The following ASIC2 variants were observed in gnomAD, a reference collection of about 807,000 sequenced individuals.
ASIC2 encodes the protein acid-sensing ion channel 2.
In ASIC2, 25 loss-of-function variants were observed where a neutral mutation model predicts 57.3. The ratio of observed to expected loss-of-function variants is 0.44; its 90% CI spans 0.32 to 0.61. The LOEUF (loss-of-function observed/expected upper bound fraction) is 0.61. Ranked by LOEUF, ASIC2 falls within the 20% of genes least tolerant of loss-of-function variation. The probability of loss-of-function intolerance (pLI) is 0.06; values close to 1 mark genes in which losing one functional copy is unlikely to be tolerated. For missense variants in ASIC2, 641 were observed against 738.1 expected (o/e 0.87, Z 1.52); for synonymous variants, 319 against 307.5 (o/e 1.04, Z -0.39).
intron 1 of ASIC2, among the ~76,000 whole-genome samples, chr17:33,258,545 A>C (rs1281578644): frequency 6.6e-6 from 1 of 152,120 alleles, no homozygotes; most frequent in East Asian, 1.9e-4. Context: ...ACACAGGAGG[A>C]GTATTCCTGG....
At chr17:33,985,462 C>A (rs1049537018) in intron 1 of ASIC2, among the ~76,000 whole-genome samples, 1 of 152,126 alleles carries the variant, frequency 6.6e-6, no homozygotes, top group Admixed American at 6.5e-5. Context: ...CTGATGCAAC[C>A]GGTCTACAGG....
chr17:34,114,763 A>G (rs895402096), intron 1 of ASIC2, among the ~76,000 whole-genome samples: 1 of 152,194 alleles, frequency 6.6e-6, no homozygotes, highest in Non-Finnish European at 1.5e-5. Flanking sequence ...CACAGCCAGC[A>G]TTATTCCCCA....
At chr17:33,936,675 C>G (rs1916070611) in intron 1 of ASIC2, 1 of 152,188 alleles carries the variant, frequency 6.6e-6, no homozygotes, top group South Asian at 2.1e-4. Context: ...CACCTCAAGG[C>G]AAGAGCAGGA....
At chr17:33,988,988 C>A (rs1597964308) in intron 1 of ASIC2, among the ~76,000 whole-genome samples, 2 of 152,120 alleles carry the variant, frequency 1.3e-5, no homozygotes, top group East Asian at 3.9e-4. Context: ...CCCCTCCTCC[C>A]ACCTTCCACA....
intron 1 of ASIC2, among the ~76,000 whole-genome samples, chr17:33,164,674 G>A (rs889585545): frequency 6.6e-6 from 1 of 152,136 alleles, no homozygotes; most frequent in Non-Finnish European, 1.5e-5. Context: ...TTGCTTGCCA[G>A]CAGCTATGTC....
intron 1 of ASIC2, among the ~76,000 whole-genome samples, chr17:33,463,623 C>T (rs910813854): frequency 6.6e-6 from 1 of 152,214 alleles, no homozygotes; most frequent in African/African-American, 2.4e-5. Context: ...AGCCCCAGCC[C>T]TTATGGACCA....
chr17:33,857,334 G>A (rs1367718594), intron 1 of ASIC2, among the ~76,000 whole-genome samples: 1 of 152,120 alleles, frequency 6.6e-6, no homozygotes, highest in African/African-American at 2.4e-5. Context: ...TTACAGAAGG[G>A]GAAACTGAGA....
chr17:33,030,118 T>C (rs2141905301), intron 3 of ASIC2, among the ~76,000 whole-genome samples: 2 of 152,326 alleles, frequency 1.3e-5, no homozygotes, highest in South Asian at 4.1e-4. Context: ...TTTTTTAAAA[T>C]CAACTTCAGA....
intron 1 of ASIC2, among the ~76,000 whole-genome samples, chr17:33,490,944 C>A (rs769161532): frequency 5.3e-5 from 8 of 152,156 alleles, no homozygotes; most frequent in Non-Finnish European, 1.0e-4. Flanking sequence ...CCAACTGATA[C>A]CTCCACCTGA....
intron 1 of ASIC2, among the ~76,000 whole-genome samples, chr17:33,882,828 T>C (rs183315693): frequency 1.3e-4 from 20 of 152,318 alleles, no homozygotes; most frequent in Non-Finnish European, 4.4e-5. Context: ...ATTGCGGTAC[T>C]ATTCACAATA....
intron 1 of ASIC2, chr17:34,038,617 T>C: frequency 6.3e-7 from 1 of 1,598,432 alleles, no homozygotes; most frequent in South Asian, 1.1e-5. Flanking sequence ...GTATCCTTTT[T>C]ACTTCCCTGA....
At chr17:34,125,569 T>G (rs898108518) in intron 1 of ASIC2, among the ~76,000 whole-genome samples, 1 of 152,064 alleles carries the variant, frequency 6.6e-6, no homozygotes, top group Non-Finnish European at 1.5e-5. Context: ...CAAATGACAG[T>G]GCCAGACTGT....
At chr17:33,971,148 A>G (rs1301165621) in intron 1 of ASIC2, among the ~76,000 whole-genome samples, 1 of 152,226 alleles carries the variant, frequency 6.6e-6, no homozygotes, top group Non-Finnish European at 1.5e-5. Flanking sequence ...AATGATTCAC[A>G]GCCAAATACA....
chr17:33,850,650 A>G (rs1913739038), intron 1 of ASIC2, among the ~76,000 whole-genome samples: 5 of 152,218 alleles, frequency 3.3e-5, no homozygotes, highest in Admixed American at 2.6e-4. Flanking sequence ...CTGAGAGCAC[A>G]CATATAATAG....
chr17:33,242,487 T>C (rs1266130825), intron 1 of ASIC2, among the ~76,000 whole-genome samples: 1 of 152,112 alleles, frequency 6.6e-6, no homozygotes, highest in African/African-American at 2.4e-5. Context: ...ATTATCCCCA[T>C]TTCACAGATA....
intron 1 of ASIC2, among the ~76,000 whole-genome samples, chr17:33,861,911 G>A (rs747152220): frequency 5.3e-5 from 8 of 152,098 alleles, no homozygotes; most frequent in Non-Finnish European, 1.0e-4. Flanking sequence ...GTGGGAGACC[G>A]TGGCAAATAC....
chr17:33,054,817 C>T (rs573433382), intron 3 of ASIC2, among the ~76,000 whole-genome samples: 23 of 152,312 alleles, frequency 1.5e-4, no homozygotes, highest in South Asian at 8.3e-4. Context: ...AATTATGCCA[C>T]GGCATGGGAA....
At chr17:33,118,879 T>C (rs1010246684) in intron 1 of ASIC2, among the ~76,000 whole-genome samples, 4 of 151,996 alleles carry the variant, frequency 2.6e-5, no homozygotes, top group African/African-American at 4.8e-5. Context: ...AAGAGTAAGA[T>C]TGGCAGCTGC....
At chr17:33,309,979 A>G (rs1255699259) in intron 1 of ASIC2, among the ~76,000 whole-genome samples, 1 of 149,306 alleles carries the variant, frequency 6.7e-6, no homozygotes, top group East Asian at 2.0e-4. Context: ...TGATGTATTT[A>G]TCAGTCAAAA....
Sources: allele counts gnomAD v4.1 joint callset (sites outside exome capture counted in the v4.1 genomes callset), GRCh38; gene constraint gnomAD v4.1.1; transcripts MANE v1.5; gene names NCBI Gene and HGNC (gene_info 2026-07-23, HGNC 2026-07-21).